The following C12orf42 variants were observed in gnomAD, a reference collection of about 807,000 sequenced individuals.
The protein encoded by C12orf42 is uncharacterized protein C12orf42.
C12orf42 carries 25 observed loss-of-function variants against 21.6 expected under a neutral mutation model. That is an observed-to-expected ratio of 1.16 (90% CI 0.84 to 1.62). The LOEUF (loss-of-function observed/expected upper bound fraction) is 1.62, where lower values mean the gene tolerates loss of function less well. C12orf42 is among the 40% of genes most tolerant of loss of function. The pLI is 0.00. For synonymous variants in C12orf42, 174 were observed against 175.0 expected (o/e 0.99, Z 0.05); for missense variants, 483 against 459.3 (o/e 1.05, Z -0.47).
chr12:103,075,834 T>C, the C12orf42 span, among the ~76,000 whole-genome samples: 9 of 152,286 alleles, frequency 5.9e-5, no homozygotes, highest in Admixed American at 2.0e-4. Flanking sequence ...ACCATAATTA[T>C]TAAGACTCTA....
the C12orf42 span, among the ~76,000 whole-genome samples, chr12:103,120,532 C>T: frequency 2.6e-5 from 4 of 151,980 alleles, no homozygotes; most frequent in Non-Finnish European, 4.4e-5. Flanking sequence ...AGGGAGATAC[C>T]GGTGCCTTAA....
chr12:103,473,056 G>A (rs1443984415), intron 2 of C12orf42, among the ~76,000 whole-genome samples: 2 of 152,188 alleles, frequency 1.3e-5, no homozygotes, highest in African/African-American at 4.8e-5. Flanking sequence ...AAGGCAGTGT[G>A]AGACAGACAC....
At position 103,475,161 on chromosome 12, in the gene C12orf42, A is replaced by T. The variant is rs558146927; in HGVS notation, c.78+3188T>A. 3.9e-5 allele frequency among the ~76,000 whole-genome samples: 6 copies of T among 152,342 alleles called. No homozygotes were observed. In the East Asian group the frequency reaches 5.8e-4, roughly 15 times the overall value. On this transcript the variant is annotated intron_variant, in intron 2 of 5. Transcript: ENST00000548883. The stretch of plus-strand genomic sequence containing the variant: ...ATTGTTTTCTATAGAGACAAAAAAC[A>T]AATGCCCATGACCCAGGTCACCTCA...
chr12:103,551,777 A>G, the C12orf42 span, among the ~76,000 whole-genome samples: 1 of 152,142 alleles, frequency 6.6e-6, no homozygotes, highest in Admixed American at 6.5e-5. Context: ...AGATCTTGCT[A>G]CTATACTCCA....
the C12orf42 span, among the ~76,000 whole-genome samples, chr12:103,123,477 T>C: frequency 6.6e-6 from 1 of 152,076 alleles, no homozygotes; most frequent in Non-Finnish European, 1.5e-5. Context: ...AAACATGACC[T>C]GAGAAAGTAG....
At chr12:103,539,876 G>C in the C12orf42 span, among the ~76,000 whole-genome samples, 2 of 151,450 alleles carry the variant, frequency 1.3e-5, no homozygotes, top group Non-Finnish European at 2.9e-5. Context: ...AACGCGCTTG[G>C]CCTGTATATT....
the C12orf42 span, among the ~76,000 whole-genome samples, chr12:103,204,823 G>A: frequency 6.6e-6 from 1 of 151,908 alleles, no homozygotes; most frequent in Non-Finnish European, 1.5e-5. Context: ...AGAAGAAGAT[G>A]AAAAGGCAGC....
the C12orf42 span, among the ~76,000 whole-genome samples, chr12:103,534,332 T>C: frequency 6.6e-6 from 1 of 152,148 alleles, no homozygotes; most frequent in African/African-American, 2.4e-5. Flanking sequence ...TGGAGATACA[T>C]CATAATTACC....
chr12:103,468,731 A>C (rs1206881058), intron 2 of C12orf42, among the ~76,000 whole-genome samples: 4 of 152,140 alleles, frequency 2.6e-5, no homozygotes, highest in Admixed American at 6.5e-5. Context: ...GGAAAGAAAA[A>C]AAAAAACGGG....
At chr12:103,474,004 T>C (rs1422826629) in intron 2 of C12orf42, among the ~76,000 whole-genome samples, 1 of 152,246 alleles carries the variant, frequency 6.6e-6, no homozygotes, top group Non-Finnish European at 1.5e-5. Context: ...GAGAGGTTTT[T>C]ATTCCCTGAG....
the C12orf42 span, among the ~76,000 whole-genome samples, chr12:103,201,306 C>G: frequency 6.6e-6 from 1 of 152,128 alleles, no homozygotes; most frequent in Non-Finnish European, 1.5e-5. Context: ...GACCACCAAA[C>G]AGTGACCATG....
At chr12:103,375,403 G>A (rs2045607640) in intron 3 of C12orf42, among the ~76,000 whole-genome samples, 1 of 151,982 alleles carries the variant, frequency 6.6e-6, no homozygotes, top group South Asian at 2.1e-4. Context: ...ACAGTTTTAG[G>A]GACAGTTGTA....
chr12:103,543,894 T>TG, the C12orf42 span, among the ~76,000 whole-genome samples: 1 of 143,674 alleles, frequency 7.0e-6, no homozygotes, highest in African/African-American at 2.6e-5. Flanking sequence ...TTTTTTTGTT[T>TG]TGTTTTTTGT....
At chr12:103,466,440 T>A (rs763441708) in intron 2 of C12orf42, among the ~76,000 whole-genome samples, 8 of 152,190 alleles carry the variant, frequency 5.3e-5, no homozygotes, top group Non-Finnish European at 1.0e-4. Flanking sequence ...ATTCACACCC[T>A]GGGTAACACT....
intron 2 of C12orf42, among the ~76,000 whole-genome samples, chr12:103,404,069 T>C (rs967459660): frequency 6.6e-6 from 1 of 152,208 alleles, no homozygotes; most frequent in Admixed American, 6.5e-5. Context: ...AACAAGACTT[T>C]ATGGTAGCCA....
At chr12:103,080,340 G>T in the C12orf42 span, among the ~76,000 whole-genome samples, 1 of 152,120 alleles carries the variant, frequency 6.6e-6, no homozygotes, top group Admixed American at 6.6e-5. Context: ...TTTCATAACT[G>T]GTTCTCCAGC....
chr12:103,478,121 G>A (rs1954194394), intron 2 of C12orf42: 1 of 420,798 alleles, frequency 2.4e-6, no homozygotes, highest in Non-Finnish European at 4.2e-6. Context: ...AGTTTTCCTA[G>A]CATAAATGTA....
At chr12:103,540,341 C>A in the C12orf42 span, among the ~76,000 whole-genome samples, 1 of 152,116 alleles carries the variant, frequency 6.6e-6, no homozygotes, top group Non-Finnish European at 1.5e-5. Flanking sequence ...CTTAATTCTT[C>A]CATATTATTA....
At chr12:103,205,230 C>T in the C12orf42 span, among the ~76,000 whole-genome samples, 21 of 152,134 alleles carry the variant, frequency 1.4e-4, no homozygotes, top group Non-Finnish European at 2.8e-4. Flanking sequence ...ATGTATAGCC[C>T]GAGTACTAGT....
Sources: gnomAD v4.1 joint callset for allele counts (sites outside exome capture counted in the v4.1 genomes callset) on GRCh38, gnomAD v4.1.1 for gene constraint, MANE v1.5 for transcripts, NCBI Gene and HGNC (gene_info 2026-07-23, HGNC 2026-07-21) for gene names.